Variants in SKP2 observed in about 807,000 individuals in gnomAD.
SKP2 encodes S-phase kinase-associated protein 2.
SKP2 carries 16 observed loss-of-function variants against 51.8 expected under a neutral mutation model. That is an observed-to-expected ratio of 0.31 (90% CI 0.21 to 0.47). The LOEUF (loss-of-function observed/expected upper bound fraction) is 0.47, where lower values mean the gene tolerates loss of function less well. Ranked by LOEUF, SKP2 falls within the 20% of genes least tolerant of loss-of-function variation. The pLI, the probability that SKP2 is intolerant of heterozygous loss-of-function variation, is 1.00. For synonymous variants in SKP2, 176 were observed against 198.6 expected (o/e 0.89, Z 0.96); for missense variants, 377 against 505.3 (o/e 0.75, Z 2.43).
At chr5:36,158,122 G>T (rs1392808484) in intron 2 of SKP2, among the ~76,000 whole-genome samples, 2 of 152,222 alleles carry the variant, frequency 1.3e-5, no homozygotes, top group Non-Finnish European at 2.9e-5. Flanking sequence ...TGCCGTCCAT[G>T]TCATTGAAGA....
intron 9 of SKP2, among the ~76,000 whole-genome samples, chr5:36,178,630 C>T (rs1280025701): frequency 1.3e-5 from 2 of 152,104 alleles, no homozygotes; most frequent in Non-Finnish European, 2.9e-5. Context: ...CTAGCGTCTA[C>T]CCAAAAAGGC....
intron 7 of SKP2, among the ~76,000 whole-genome samples, chr5:36,174,596 G>A (rs962930944): frequency 6.6e-6 from 1 of 152,094 alleles, no homozygotes; most frequent in African/African-American, 2.4e-5. Context: ...TCACTCTTAT[G>A]AAGATTACTT....
At chr5:36,193,012 A>ATGTT (rs1410630299) in intron 7 of SKP2, 1 of 152,220 alleles carries the variant, frequency 6.6e-6, no homozygotes, top group African/African-American at 2.4e-5. Flanking sequence ...CAGAGCAGAA[A>ATGTT]TGTTAGAAAT....
At chr5:36,186,387 G>A (rs1367336199), downstream of SKP2, among the ~76,000 whole-genome samples, 1 of 152,138 alleles carries the variant, frequency 6.6e-6, no homozygotes, top group African/African-American at 2.4e-5. Flanking sequence ...TTGGCTGTGG[G>A]TTTGTCATAA....
At chr5:36,170,316 T>G in intron 5 of SKP2, 28 bp from the exon 6 acceptor site, 1 of 1,386,454 alleles carries the variant, frequency 7.2e-7, no homozygotes, top group Non-Finnish European at 1.0e-6. Context: ...ACTGGTCTTT[T>G]TCTTCTGACG....
intron 9 of SKP2, among the ~76,000 whole-genome samples, chr5:36,177,790 T>C (rs1487362107): frequency 6.6e-6 from 1 of 152,116 alleles, no homozygotes; most frequent in Non-Finnish European, 1.5e-5. Context: ...GTATTGTAAG[T>C]CTGATACTGT....
At chr5:36,168,493 A>G in intron 5 of SKP2, 46 bp downstream of exon 5, 1 of 1,599,132 alleles carries the variant, frequency 6.3e-7, no homozygotes. Context: ...TTTTATGTGT[A>G]TGAATTTTTT....
chr5:36,186,292 G>A (rs1290410833), downstream of SKP2, among the ~76,000 whole-genome samples: 1 of 152,188 alleles, frequency 6.6e-6, no homozygotes, highest in Non-Finnish European at 1.5e-5. Flanking sequence ...ACACTATGTT[G>A]AATAGGAGTG....
Position 36,182,012 on chromosome 5 carries a change from A to G in SKP2, c.1256A>G (p.Gln419Arg), listed in dbSNP as rs1438305481. Residue 419 changes from glutamine (Q) to arginine (R), a missense_variant, in exon 10 of 10, where the codon CAA becomes CGA. Gln to Arg is a conservative substitution (Grantham distance 43). Coordinates refer to ENST00000274255, the MANE Select transcript of SKP2 (RefSeq NM_005983.4). The part of the protein sequence containing the change: ...IWGIKCRLTL[Q>R]KPSCL ...GGCATCAAATGCCGACTGACACTGC[A>G]AAAGCCCAGTTGTCTATGAAGTATT... 6.2e-7 allele frequency: 1 copy of G among 1,614,060 alleles called. No homozygotes were observed. The highest frequency in any genetic ancestry group is 1.3e-5 in the African/African-American group (1 of 74,930).
chr5:36,177,126 CTTCT>C, intron 8 of SKP2, 55 bp from the exon 9 acceptor site: 5 of 1,325,866 alleles, frequency 3.8e-6, no homozygotes, highest in Non-Finnish European at 5.4e-6. Flanking sequence ...TTATTTCTGT[CTTCT>C]TTATCTAGGA....
intron 7 of SKP2, among the ~76,000 whole-genome samples, chr5:36,173,777 G>T (rs907096914): frequency 6.6e-6 from 1 of 151,894 alleles, no homozygotes; most frequent in African/African-American, 2.4e-5. Context: ...TATACCATGG[G>T]GATAAAAAGT....
chr5:36,190,248 C>G (rs1323843206), intron 6 of SKP2, among the ~76,000 whole-genome samples: 2 of 152,016 alleles, frequency 1.3e-5, no homozygotes, highest in Non-Finnish European at 2.9e-5. Flanking sequence ...GTCCGACACC[C>G]CCAGTGAGAC....
At chr5:36,156,829 A>G (rs1306375484) in intron 2 of SKP2, among the ~76,000 whole-genome samples, 1 of 152,212 alleles carries the variant, frequency 6.6e-6, no homozygotes, top group Non-Finnish European at 1.5e-5. Context: ...ACTTGTTCAA[A>G]GTGTAAAATT....
intron 6 of SKP2, among the ~76,000 whole-genome samples, chr5:36,190,371 G>A (rs1745997031): frequency 1.3e-5 from 2 of 152,086 alleles, no homozygotes; most frequent in African/African-American, 4.8e-5. Context: ...CACCTCACCA[G>A]GCTTGTTATC....
intron 2 of SKP2, among the ~76,000 whole-genome samples, chr5:36,160,411 A>C (rs1439944035): frequency 6.6e-6 from 1 of 152,210 alleles, no homozygotes; most frequent in Non-Finnish European, 1.5e-5. Flanking sequence ...CAGCACCCTG[A>C]ATCCTGCTGT....
intron 9 of SKP2, among the ~76,000 whole-genome samples, chr5:36,181,034 G>A (rs1745793475): frequency 6.6e-6 from 1 of 152,154 alleles, no homozygotes; most frequent in South Asian, 2.1e-4. Context: ...TGGAAAAACA[G>A]AATTTGTGAA....
intron 7 of SKP2, among the ~76,000 whole-genome samples, chr5:36,175,738 T>A (rs1745612506): frequency 6.6e-6 from 1 of 151,902 alleles, no homozygotes; most frequent in Non-Finnish European, 1.5e-5. Flanking sequence ...GCTATCCTAG[T>A]ATTTTTTTAA....
At chr5:36,171,856 C>T (rs1745487515) in intron 7 of SKP2, 123 bp downstream of exon 7, 1 of 911,586 alleles carries the variant, frequency 1.1e-6, no homozygotes, top group Non-Finnish European at 1.6e-6. Flanking sequence ...GTGTTAGTCC[C>T]CTTTTTCAGA....
chr5:36,159,093 A>G (rs950900389), intron 2 of SKP2, among the ~76,000 whole-genome samples: 1 of 152,158 alleles, frequency 6.6e-6, no homozygotes, highest in Admixed American at 6.5e-5. Flanking sequence ...TGGATGTGCA[A>G]ATCTGGGCAT....
Sources: allele counts gnomAD v4.1 joint callset (sites outside exome capture counted in the v4.1 genomes callset), GRCh38; gene constraint gnomAD v4.1.1; transcripts MANE v1.5; gene names NCBI Gene and HGNC (gene_info 2026-07-23, HGNC 2026-07-21).